Variants in TMEM255B observed in about 807,000 individuals in gnomAD.
TMEM255B encodes the protein family with sequence similarity 70, member B.
A neutral mutation model predicts 34.5 loss-of-function variants in TMEM255B; 35 were observed. That is an observed-to-expected ratio of 1.01 (90% CI 0.77 to 1.34). The LOEUF is 1.34. Among genes scored for constraint, TMEM255B ranks in the 40% most tolerant of loss-of-function variants. TMEM255B has a pLI of 0.00. For synonymous variants in TMEM255B, 206 were observed against 201.2 expected, an observed-to-expected ratio of 1.02 and a Z score of -0.20; for missense variants, 432 against 433.2, an observed-to-expected ratio of 1.00 and a Z score of 0.02.
intron 5 of TMEM255B, chr13:113,800,150 G>T (rs1395477685): frequency 4.5e-6 from 4 of 884,868 alleles, no homozygotes; most frequent in Non-Finnish European, 4.4e-6. Context: ...GGTGTCCTGT[G>T]TGTGTATGTG....
Position 113,812,919 on chromosome 13 carries a change from A to AGTCACAGGTCCCGGGTGG in TMEM255B, c.*1021_*1022insAGGTCCCGGGTGGGTCAC, listed in dbSNP as rs1566341805. The AGTCACAGGTCCCGGGTGG allele has an allele frequency of 6.3e-4, 44 of 69,778 alleles. 1 individual carries two copies. The highest frequency in any genetic ancestry group is 2.8e-3 in the African/African-American group (40 of 14,170). 4.3% of individuals were successfully genotyped at this position (69,778 alleles called of 1,614,324 possible). A position where few individuals can be genotyped will look rare whatever the true frequency, so the allele number is the denominator to read the frequency against. Reference sequence around the variant, plus strand: ...CCGGGTGAGTCACAGGCCCCGGGTGAGTCACGGGTCCCGGGTGGGTCACGG... The same window carrying AGTCACAGGTCCCGGGTGG: ...CCGGGTGAGTCACAGGCCCCGGGTGAGTCACAGGTCCCGGGTGGGTCACGGGTCCCGGGTGGGTCACGG... On this transcript the variant is annotated 3_prime_UTR_variant, in exon 9 of 9. Transcript: ENST00000375353.
chr13:113,786,416 GTCA>G (rs1275705805), intron 3 of TMEM255B, among the ~76,000 whole-genome samples: 1 of 151,352 alleles, frequency 6.6e-6, no homozygotes, highest in Admixed American at 6.6e-5. Flanking sequence ...TGTCATCACT[GTCA>G]TCACCCTCGT....
chr13:113,811,183 GTGGGGGCCAGT>G lies in TMEM255B; in HGVS notation c.814-552_814-542del, dbSNP rs1164358254. Among the ~76,000 whole-genome samples, 736 of 118,000 alleles carry G rather than the reference GTGGGGGCCAGT, an allele frequency of 6.2e-3. 2 individuals are homozygous for G. The highest frequency in any genetic ancestry group is 0.011 in the East Asian group (38 of 3,512). The allele number at this position is 118,000 out of a possible 152,430, so 77.4% of individuals were successfully genotyped here. On this transcript the variant is annotated intron_variant, in intron 8 of 8. Transcript: ENST00000375353. ...GTGAGAGTGGTCCTGGGTCTGTGGG[GTGGGGGCCAGT>G]GAGAGAGGTCCTGGATCTGTGGGGG...
intron 8 of TMEM255B, 130 bp downstream of exon 8, chr13:113,805,158 G>C (rs1005967798): frequency 1.7e-6 from 2 of 1,185,056 alleles, no homozygotes; most frequent in African/African-American, 3.2e-5. Context: ...ATGGGAGGTG[G>C]GGGGCAGTGA....
chr13:113,770,453 G>A lies in TMEM255B; in HGVS notation c.252+1293G>A, dbSNP rs1443184059. ...CCCAGCAAACTCCCACTGCTGCCCA[G>A]GAGACTGACCCTTGGGCAGATGGAG... On this transcript the variant is annotated intron_variant, in intron 3 of 8. Transcript: ENST00000375353. The surrounding 1 kb of genome is among the most constrained non-coding windows in gnomAD (Gnocchi z 4.6). Among the ~76,000 whole-genome samples, 1 of 152,202 alleles carries A rather than the reference G, an allele frequency of 6.6e-6. No individual in the cohort carries two copies. The highest frequency in any genetic ancestry group is 1.5e-5 in the Non-Finnish European group (1 of 68,030).
Position 113,811,819 on chromosome 13 carries a change from C to T in TMEM255B, c.897C>T (p.Gly299=), listed in dbSNP as rs772091512. The change falls in exon 9 of 9, where the codon GGC becomes GGT. Residue 299 remains glycine (G), a synonymous_variant. Transcript: ENST00000375353. ...AGCCCCCTTCTCCAAGCAGCTCTGGCTCTGGGCTTCCCGGCCAGGCTCCAC... is the reference window on the plus strand; with the variant it reads ...AGCCCCCTTCTCCAAGCAGCTCTGGTTCTGGGCTTCCCGGCCAGGCTCCAC... The part of the protein sequence containing the change: ...DLQPPSPSSS[G]SGLPGQAPPC... The T allele has an allele frequency of 6.2e-7, 1 of 1,613,976 alleles. No homozygotes were observed. Among genetic ancestry groups the T allele is most frequent in the Admixed American group, 1.7e-5 (1 of 60,012 alleles).
intron 3 of TMEM255B, among the ~76,000 whole-genome samples, chr13:113,778,229 G>T (rs1249969190): frequency 1.3e-5 from 2 of 152,216 alleles, no homozygotes; most frequent in African/African-American, 4.8e-5. Flanking sequence ...CAGGGGTGGA[G>T]ATGTGAGGGA....
In TMEM255B at chr13:113,812,878, G is replaced by T. The variant is rs1005215499; in HGVS notation, c.*975G>T. On this transcript the variant is annotated 3_prime_UTR_variant, in exon 9 of 9. Transcript: ENST00000375353. The stretch of plus-strand genomic sequence containing the variant: ...GCATCCCGGGTGGGTCACAGGTCCC[G>T]AGTGGGTCACAGGCCCCGGGTGAGT... 6.3e-6 allele frequency: 1 copy of T among 159,248 alleles called. No homozygotes were observed. The highest frequency in any genetic ancestry group is 1.3e-5 in the Non-Finnish European group (1 of 74,552). The allele number at this position is 159,248 out of a possible 1,614,324, so 9.9% of individuals were successfully genotyped here. A position where few individuals can be genotyped will look rare whatever the true frequency, so the allele number is the denominator to read the frequency against.
intron 5 of TMEM255B, 64 bp from the exon 6 acceptor site, chr13:113,800,763 C>T (rs1162039277): frequency 6.7e-6 from 10 of 1,494,960 alleles, no homozygotes; most frequent in Middle Eastern, 4.6e-4. Context: ...GCAGCCCTGC[C>T]CTTGGTGGGG....
intron 3 of TMEM255B, among the ~76,000 whole-genome samples, chr13:113,775,100 GCACACAA>G (rs2050553579): frequency 8.2e-6 from 1 of 122,096 alleles, no homozygotes; most frequent in Non-Finnish European, 1.7e-5. Context: ...ACCACACACA[GCACACAA>G]CACACACTCC....
At chr13:113,799,215 C>G (rs2050996445) in intron 4 of TMEM255B, 124 bp from the exon 5 acceptor site, 1 of 810,094 alleles carries the variant, frequency 1.2e-6, no homozygotes, top group Non-Finnish European at 2.0e-6. Flanking sequence ...CTGGGAGGCT[C>G]AAGTTGGTGT....
chr13:113,805,197 T>G (rs1035919407), intron 8 of TMEM255B, among the ~76,000 whole-genome samples, 169 bp downstream of exon 8: 1 of 152,188 alleles, frequency 6.6e-6, no homozygotes, highest in African/African-American at 2.4e-5. Flanking sequence ...ACAACCTCCC[T>G]GCAAGTATGG....
intron 3 of TMEM255B, among the ~76,000 whole-genome samples, chr13:113,782,481 C>G (rs1337863920): frequency 6.6e-6 from 1 of 152,202 alleles, no homozygotes; most frequent in East Asian, 1.9e-4. Context: ...AGTTATGAAA[C>G]TGCCATTGCA....
At chr13:113,795,102 C>T (rs185719022) in intron 3 of TMEM255B, 46 bp from the exon 4 acceptor site, 10 of 1,584,166 alleles carry the variant, frequency 6.3e-6, no homozygotes, top group East Asian at 4.5e-5. Context: ...GTTTGAAAAC[C>T]GGGGTTGGTA....
rs534080336 is a variant in TMEM255B, at chr13:113,761,396, A to C, written c.46+2081A>C. The C allele has an allele frequency of 8.8e-5, 86 of 982,774 alleles. 1 individual carries two copies. The highest frequency in any genetic ancestry group is 1.0e-3 in the Middle Eastern group (2 of 1,906). 60.9% of individuals were successfully genotyped at this position (982,774 alleles called of 1,614,324 possible). The stretch of plus-strand genomic sequence containing the variant: ...CTCATGTGGTTCAGCTCCTCCAGCT[A>C]AGGCTGGGGAAGGAGCCAGGAAGGG... On this transcript the variant is annotated intron_variant, in intron 1 of 8. Coordinates refer to ENST00000375353, the MANE Select transcript of TMEM255B (RefSeq NM_182614.4).
intron 8 of TMEM255B, among the ~76,000 whole-genome samples, chr13:113,810,325 G>A (rs140600413): frequency 3.6e-4 from 55 of 152,230 alleles, no homozygotes; most frequent in African/African-American, 1.3e-3. Context: ...TTGATTAGAA[G>A]TTCCCCCTAG....
chr13:113,796,155 A>G (rs904413233), intron 4 of TMEM255B, among the ~76,000 whole-genome samples: 16 of 142,808 alleles, frequency 1.1e-4, no homozygotes, highest in Admixed American at 2.1e-4. Flanking sequence ...CACACACACA[A>G]CAGAGCACAT....
chr13:113,809,899 C>T (rs1044902639), intron 8 of TMEM255B, among the ~76,000 whole-genome samples: 1 of 152,094 alleles, frequency 6.6e-6, no homozygotes, highest in African/African-American at 2.4e-5. Flanking sequence ...ACTCTGTCGC[C>T]TGTGGCCAGA....
At chr13:113,798,721 G>A (rs1434240566) in intron 4 of TMEM255B, among the ~76,000 whole-genome samples, 1 of 151,840 alleles carries the variant, frequency 6.6e-6, no homozygotes, top group East Asian at 1.9e-4. Flanking sequence ...ATGGATGGAT[G>A]GATGGATGGA....
Sources: allele counts gnomAD v4.1 joint callset (sites outside exome capture counted in the v4.1 genomes callset), GRCh38; gene constraint gnomAD v4.1.1; non-coding constraint Gnocchi (gnomAD v3.1); transcripts MANE v1.5; gene names NCBI Gene and HGNC (gene_info 2026-07-23, HGNC 2026-07-21).